The following EPB41 variants were observed in gnomAD, a reference collection of about 807,000 sequenced individuals.
EPB41 encodes the protein protein 4.1.
Under a neutral mutation model 108.0 loss-of-function variants are expected in EPB41, and 65 were observed. The observed-to-expected ratio is 0.60, with a 90% CI of 0.49 to 0.74. The LOEUF (loss-of-function observed/expected upper bound fraction) is 0.74, where lower values mean the gene tolerates loss of function less well. Among genes scored for constraint, EPB41 ranks in the 30% least tolerant of loss-of-function variants. The pLI is 0.00. For synonymous variants in EPB41, 336 were observed against 358.9 expected (o/e 0.94, Z 0.72); for missense variants, 875 against 1,037.0 (o/e 0.84, Z 2.15).
intron 1 of EPB41, among the ~76,000 whole-genome samples, chr1:28,933,613 C>T (rs1476069631): frequency 6.6e-6 from 1 of 152,188 alleles, no homozygotes; most frequent in Non-Finnish European, 1.5e-5. Flanking sequence ...CCTTAGTCTC[C>T]TCCAATCTGT....
At chr1:28,987,323 G>GT (rs922605442) in intron 1 of EPB41, 108 bp from the exon 2 acceptor site, 16 of 900,046 alleles carry the variant, frequency 1.8e-5, no homozygotes, top group Admixed American at 4.2e-5. Context: ...AATTCTGTTT[G>GT]TTGGCAATTA....
intron 1 of EPB41, among the ~76,000 whole-genome samples, chr1:28,901,516 C>T (rs2091316619): frequency 6.6e-6 from 1 of 151,916 alleles, no homozygotes; most frequent in South Asian, 2.1e-4. Context: ...AGCCACTGCA[C>T]TCGGCCTATT....
rs574599614 is a variant in EPB41 at position 28,923,340 on chromosome 1, C to T, written c.-8+8572C>T. Among the ~76,000 whole-genome samples, 5 of 152,002 alleles carry T rather than the reference C, an allele frequency of 3.3e-5. No individual in the cohort carries two copies. In the South Asian group the frequency reaches 1.0e-3, roughly 32 times the overall value. ...GAACTCCTGACCTCAGGTAATCTAC[C>T]CGCCTCGGCCTCCCAAAGTGCTGGG... On this transcript the variant is annotated intron_variant, in intron 1 of 20. Coordinates refer to ENST00000343067, the MANE Select transcript of EPB41 (RefSeq NM_001376013.1).
intron 3 of EPB41, 30 bp downstream of exon 3, chr1:28,993,572 A>T: frequency 6.2e-7 from 1 of 1,604,610 alleles, no homozygotes; most frequent in South Asian, 1.1e-5. Flanking sequence ...CAACAATCAG[A>T]ACTCTTACAG....
At chr1:28,903,237 A>G (rs157232) in intron 1 of EPB41, among the ~76,000 whole-genome samples, 18,559 of 151,878 alleles carry the variant, frequency 0.12, 1,561 homozygotes, top group African/African-American at 0.25. Context: ...GCAGATGTGG[A>G]TTTGAATTCT....
In EPB41 at chr1:29,036,239, T is replaced by C. The variant is rs559765361; in HGVS notation, c.1463+316T>C. Among the ~76,000 whole-genome samples, 543 of 151,018 alleles carry C rather than the reference T, an allele frequency of 3.6e-3. 5 individuals carry two copies. Among genetic ancestry groups the C allele is most frequent in the African/African-American group, 0.012 (504 of 41,228 alleles). On this transcript the variant is annotated intron_variant, in intron 10 of 20. Transcript: ENST00000343067. ...TCCGATTAAGGGGAGTTACCCTCAC[T>C]TACCTCCACGTGTGATTTTTTTTTT...
chr1:28,888,139 C>T (rs1248506030), intron 1 of EPB41, among the ~76,000 whole-genome samples: 1 of 152,162 alleles, frequency 6.6e-6, no homozygotes, highest in African/African-American at 2.4e-5. Context: ...ATTCTAGGAC[C>T]CTTAGCTCCT....
intron 11 of EPB41, among the ~76,000 whole-genome samples, chr1:29,045,753 G>C (rs1194379785): frequency 2.8e-5 from 4 of 143,068 alleles, no homozygotes; most frequent in Non-Finnish European, 4.5e-5. Context: ...TGGGAGGATC[G>C]CTTGAGTCTG....
intron 12 of EPB41, among the ~76,000 whole-genome samples, 189 bp from the exon 13 acceptor site, chr1:29,058,400 A>G (rs1399749940): frequency 6.6e-6 from 1 of 152,170 alleles, no homozygotes; most frequent in Non-Finnish European, 1.5e-5. Flanking sequence ...TGAAAATGTG[A>G]TGGTAAACAC....
intron 16 of EPB41, among the ~76,000 whole-genome samples, chr1:29,079,994 T>C (rs868444211): frequency 1.3e-5 from 2 of 151,916 alleles, no homozygotes; most frequent in African/African-American, 4.8e-5. Flanking sequence ...AAAACTCTTA[T>C]CTCAAAAAAA....
At chr1:29,053,376 C>T (rs1281264852) in intron 12 of EPB41, 64 bp downstream of exon 12, 2 of 1,573,292 alleles carry the variant, frequency 1.3e-6, no homozygotes, top group Non-Finnish European at 8.7e-7. Context: ...AACTTTTTGA[C>T]CAGGAACGTT....
At chr1:29,102,949 T>C (rs1665944608) in intron 17 of EPB41, among the ~76,000 whole-genome samples, 1 of 152,142 alleles carries the variant, frequency 6.6e-6, no homozygotes, top group Non-Finnish European at 1.5e-5. Context: ...ATTTTTGTAC[T>C]TTTAGTAGAG....
intron 1 of EPB41, chr1:28,889,751 G>A (rs1016574722): frequency 3.2e-6 from 3 of 949,218 alleles, no homozygotes; most frequent in Non-Finnish European, 3.8e-6. Flanking sequence ...AGGGACTCCT[G>A]GAGAGGAATC....
chr1:28,908,140 G>A (rs914097889), intron 1 of EPB41, among the ~76,000 whole-genome samples: 12 of 152,046 alleles, frequency 7.9e-5, no homozygotes, highest in South Asian at 6.2e-4. Context: ...GGTGGCTCAC[G>A]CCTGTAATCC....
In EPB41 at chr1:29,018,130, C is replaced by A; in HGVS notation, c.906-94C>A. 1 of 1,092,830 alleles carries A rather than the reference C, an allele frequency of 9.2e-7. No homozygotes were observed. Among genetic ancestry groups the A allele is most frequent in the Non-Finnish European group, 1.4e-6 (1 of 729,020 alleles). The allele number at this position is 1,092,830 out of a possible 1,614,324, so 67.7% of individuals were successfully genotyped here. On this transcript the variant is annotated intron_variant, in intron 6 of 20. Coordinates refer to ENST00000343067, the MANE Select transcript of EPB41 (RefSeq NM_001376013.1). The surrounding 1 kb of genome is among the most constrained non-coding windows in gnomAD (Gnocchi z 4.4). ...TCTTCTGTGTCCTTATTTTTTCTCT[C>A]TCTCCCTTTCTGTTTCTCCCCTTTT...
chr1:29,016,378 G>A (rs1454115149), intron 6 of EPB41, among the ~76,000 whole-genome samples: 6 of 149,324 alleles, frequency 4.0e-5, no homozygotes, highest in East Asian at 2.0e-4. Flanking sequence ...TAGTAGAGGC[G>A]GGTTTTCGCC....
chr1:29,097,789 T>C lies in EPB41; in HGVS notation c.2185-18T>C. 6.2e-7 allele frequency: 1 copy of C among 1,613,492 alleles called. No individual in the cohort carries two copies. The highest frequency in any genetic ancestry group is 8.5e-7 in the Non-Finnish European group (1 of 1,179,464). On this transcript the variant is annotated intron_variant, in intron 16 of 20. Transcript: ENST00000343067. ...CCTTCAGAAATACTCTAGTAACTCT[T>C]TCCTTACTGCTTCACAGCCTCCCCT...
chr1:29,015,590 A>AT, intron 5 of EPB41, 102 bp from the exon 6 acceptor site: 9 of 803,296 alleles, frequency 1.1e-5, no homozygotes, highest in Non-Finnish European at 1.8e-5. Flanking sequence ...AAAAAAAAAA[A>AT]GAAAGAAAAA....
At chr1:28,985,824 T>A (rs1007508893) in intron 1 of EPB41, 2 of 152,110 alleles carry the variant, frequency 1.3e-5, no homozygotes, top group Non-Finnish European at 2.9e-5. Context: ...TTTTTTTTTT[T>A]ATTTTAAAAT....
Sources: gnomAD v4.1 joint callset for allele counts (sites outside exome capture counted in the v4.1 genomes callset) on GRCh38, gnomAD v4.1.1 for gene constraint, Gnocchi (gnomAD v3.1) non-coding constraint, MANE v1.5 for transcripts, NCBI Gene and HGNC (gene_info 2026-07-23, HGNC 2026-07-21) for gene names.